The following PHC3 variants were observed in gnomAD, a reference collection of about 807,000 sequenced individuals.
PHC3 encodes polyhomeotic-like protein 3.
PHC3 carries 13 observed loss-of-function variants against 107.4 expected under a neutral mutation model. That is an observed-to-expected ratio of 0.12 (90% CI 0.08 to 0.19). The LOEUF (loss-of-function observed/expected upper bound fraction) is 0.19. Among genes scored for constraint, PHC3 ranks in the 10% least tolerant of loss-of-function variants. PHC3 has a pLI of 1.00. For missense variants in PHC3, 992 were observed against 1,210.9 expected (o/e 0.82, Z 2.68); for synonymous variants, 456 against 427.4 (o/e 1.07, Z -0.83).
chr3:170,101,636 G>C (rs1467490011), intron 14 of PHC3, among the ~76,000 whole-genome samples: 1 of 152,102 alleles, frequency 6.6e-6, no homozygotes, highest in African/African-American at 2.4e-5. Flanking sequence ...TGAATGACAA[G>C]ATTTACTGAT....
Position 170,097,263 on chromosome 3 carries a change from G to A in PHC3, c.2955C>T (p.Ile985=). Reference sequence around the variant, plus strand: ...CCTTCAGAGAGTTGATGCGTGCACAGATCTTCAGGGCTGGGCCTAGCTTGA... The same window carrying A: ...CCTTCAGAGAGTTGATGCGTGCACAAATCTTCAGGGCTGGGCCTAGCTTGA... The part of the protein sequence containing the change: ...MNIKLGPALK[I]CARINSLKES The change falls in exon 15 of 15, where the codon ATC becomes ATT. Residue 985 remains isoleucine, a synonymous_variant. Coordinates refer to ENST00000495893, the MANE Select transcript of PHC3 (RefSeq NM_024947.4). The surrounding 1 kb of genome is among the most constrained non-coding windows in gnomAD (Gnocchi z 4.1). The A allele has an allele frequency of 1.2e-6, 2 of 1,613,260 alleles. No homozygotes were observed. Among genetic ancestry groups the A allele is most frequent in the Non-Finnish European group, 8.5e-7 (1 of 1,179,396 alleles).
At position 170,117,336 on chromosome 3, in the gene PHC3, T is replaced by A; in HGVS notation, c.2083A>T (p.Ser695Cys). Residue 695 changes from serine to cysteine, a missense_variant, in exon 10 of 15, where the codon AGT (serine) becomes TGT (cysteine). Physicochemically the swap from Ser to Cys is moderately radical, Grantham distance 112. This residue lies in a region of PHC3 where 543 missense variants were observed against 590.8 expected (regional missense o/e 0.92). Transcript: ENST00000495893. ...TTRSNSTSMH[S>C]SIPSIENKPP... Reference sequence around the variant, plus strand: ...TTGTTCTCTATACTGGGAATGCTACTGTGCATAGATGTACTGTTACTCCTT... The same window carrying A: ...TTGTTCTCTATACTGGGAATGCTACAGTGCATAGATGTACTGTTACTCCTT... 2.5e-6 allele frequency: 4 copies of A among 1,613,976 alleles called. No individual in the cohort carries two copies. The highest frequency in any genetic ancestry group is 2.5e-6 in the Non-Finnish European group (3 of 1,179,872).
At chr3:170,147,538 A>T (rs1279929636) in intron 5 of PHC3, 1 of 152,234 alleles carries the variant, frequency 6.6e-6, no homozygotes, top group African/African-American at 2.4e-5. Flanking sequence ...TGCATTGAAC[A>T]TGTACAAATT....
chr3:170,127,136 A>C lies in PHC3; in HGVS notation c.1788+1548T>G, dbSNP rs79214258. 8.5e-5 allele frequency among the ~76,000 whole-genome samples: 13 copies of C among 152,260 alleles called. No homozygotes were observed. In the East Asian group the frequency reaches 2.5e-3, roughly 29 times the overall value. ...ATAGTAAACTCCAAAAATCTATTGA[A>C]AGAAAATATAGACATGATAACTGAA... On this transcript the variant is annotated intron_variant, in intron 8 of 14. Transcript: ENST00000495893.
intron 4 of PHC3, among the ~76,000 whole-genome samples, chr3:170,159,877 A>G (rs947438158): frequency 1.3e-5 from 2 of 152,210 alleles, no homozygotes; most frequent in African/African-American, 4.8e-5. Flanking sequence ...TTGCTTTCAA[A>G]TTTCCTCAGA....
rs189822503 is a variant in PHC3, at chr3:170,144,260, G to A, written c.672+1163C>T. Among the ~76,000 whole-genome samples, 169 of 151,380 alleles carry A rather than the reference G, an allele frequency of 1.1e-3. 1 individual carries two copies. Among genetic ancestry groups the A allele is most frequent in the Middle Eastern group, 3.4e-3 (1 of 292 alleles). On this transcript the variant is annotated intron_variant, in intron 6 of 14. Transcript: ENST00000495893. The stretch of plus-strand genomic sequence containing the variant: ...GGAGGTTGAGGCAGGAGAATCACTT[G>A]AACACAGGAGGTGGAGGTTGCAGTG...
At position 170,102,675 on chromosome 3, in the gene PHC3, C is replaced by T. The variant is rs1356880892; in HGVS notation, c.2637G>A (p.Leu879=). Residue 879 remains leucine, a synonymous_variant, in exon 14 of 15, where the codon TTG becomes TTA. Transcript: ENST00000495893. The part of the protein sequence containing the change: ...PITYPSAEED[L]ASHEDSVPSA... Reference sequence around the variant, plus strand: ...ATGGCACAGAATCTTCATGAGAAGCCAAGTCTTCTTCTGCAGATGGATAAG... The same window carrying T: ...ATGGCACAGAATCTTCATGAGAAGCTAAGTCTTCTTCTGCAGATGGATAAG... The T allele has an allele frequency of 1.9e-6, 3 of 1,613,848 alleles. No individual in the cohort carries two copies. Among genetic ancestry groups the T allele is most frequent in the African/African-American group, 2.7e-5 (2 of 74,916 alleles).
chr3:170,181,197 A>T (rs183536336), intron 1 of PHC3, among the ~76,000 whole-genome samples: 150 of 152,260 alleles, frequency 9.9e-4, no homozygotes, highest in Admixed American at 3.9e-3. Flanking sequence ...CTCCGGCACG[A>T]GGGAAGCGGG....
At chr3:170,158,478 T>C (rs1316896266) in intron 4 of PHC3, among the ~76,000 whole-genome samples, 1 of 152,042 alleles carries the variant, frequency 6.6e-6, no homozygotes, top group African/African-American at 2.4e-5. Flanking sequence ...GGCAGGCACC[T>C]GTAATCCCAG....
chr3:170,133,807 A>AC (rs1227757910), intron 7 of PHC3, among the ~76,000 whole-genome samples: 1 of 152,226 alleles, frequency 6.6e-6, no homozygotes, highest in Admixed American at 6.5e-5. Context: ...AGAGGGGAGA[A>AC]TAAGCTGCAA....
intron 11 of PHC3, among the ~76,000 whole-genome samples, chr3:170,113,153 G>A (rs143523093): frequency 0.012 from 1,859 of 152,324 alleles, 40 homozygotes; most frequent in African/African-American, 0.042. Context: ...TGACATTGAA[G>A]AAATTAGCAC....
rs1268857608 is a variant in PHC3 at position 170,126,027 on chromosome 3, T to G, written c.1788+2657A>C. ...AATAAACTGAGGAATATTTGTTTATTAGTTCTAAATTATCTACCCTCAACA... is the reference window on the plus strand; with the variant it reads ...AATAAACTGAGGAATATTTGTTTATGAGTTCTAAATTATCTACCCTCAACA... On this transcript the variant is annotated intron_variant, in intron 8 of 14. Transcript: ENST00000495893. The G allele has an allele frequency of 6.5e-6, 6 of 918,816 alleles. No homozygotes were observed. In the Admixed American group the frequency reaches 3.7e-4, roughly 57 times the overall value. 56.9% of individuals were successfully genotyped at this position (918,816 alleles called of 1,614,324 possible).
chr3:170,160,684 T>C (rs1273991337), intron 4 of PHC3, among the ~76,000 whole-genome samples: 1 of 152,192 alleles, frequency 6.6e-6, no homozygotes, highest in African/African-American at 2.4e-5. Flanking sequence ...GCAGATCACC[T>C]GAGGTCAGGA....
At chr3:170,131,615 C>T (rs2108482524) in intron 7 of PHC3, among the ~76,000 whole-genome samples, 1 of 152,284 alleles carries the variant, frequency 6.6e-6, no homozygotes, top group South Asian at 2.1e-4. Flanking sequence ...GGGAGGATCA[C>T]CTGAGGTAAG....
chr3:170,180,549 C>G (rs1222264503), intron 1 of PHC3, among the ~76,000 whole-genome samples: 1 of 148,894 alleles, frequency 6.7e-6, no homozygotes, highest in African/African-American at 2.5e-5. Flanking sequence ...ATAATTCATA[C>G]ATTTTTATGC....
At chr3:170,159,425 G>A (rs1463683070) in intron 4 of PHC3, among the ~76,000 whole-genome samples, 1 of 151,736 alleles carries the variant, frequency 6.6e-6, no homozygotes, top group Non-Finnish European at 1.5e-5. Flanking sequence ...TCAAAGAAAG[G>A]GCTAAAAGAA....
At chr3:170,144,485 A>G (rs1724641468) in intron 6 of PHC3, among the ~76,000 whole-genome samples, 1 of 152,134 alleles carries the variant, frequency 6.6e-6, no homozygotes, top group Non-Finnish European at 1.5e-5. Flanking sequence ...CACGTCTCTC[A>G]GGGTAAACAT....
intron 4 of PHC3, among the ~76,000 whole-genome samples, chr3:170,166,727 T>C (rs1728806334): frequency 6.6e-6 from 1 of 152,102 alleles, no homozygotes; most frequent in African/African-American, 2.4e-5. Flanking sequence ...TACAGTGGCA[T>C]AATTATAGCT....
At chr3:170,149,046 G>C in intron 5 of PHC3, 40 bp downstream of exon 5, 1 of 1,575,876 alleles carries the variant, frequency 6.3e-7, no homozygotes, top group African/African-American at 1.3e-5. Flanking sequence ...GATCTCTCAA[G>C]TCCTTAAACA....
Sources: gnomAD v4.1 joint callset for allele counts (sites outside exome capture counted in the v4.1 genomes callset) on GRCh38, gnomAD v4.1.1 for gene constraint, gnomAD v4.1.1 regional missense constraint, Gnocchi (gnomAD v3.1) non-coding constraint, MANE v1.5 for transcripts, NCBI Gene and HGNC (gene_info 2026-07-23, HGNC 2026-07-21) for gene names.